Variants in SNRNP35 observed in about 807,000 individuals in gnomAD.
SNRNP35 encodes small nuclear ribonucleoprotein U11/U12 subunit 35, also known as U11/U12 small nuclear ribonucleoprotein 35 kDa protein.
Under a neutral mutation model 24.3 loss-of-function variants are expected in SNRNP35, and 16 were observed. The observed-to-expected ratio is 0.66, with a 90% CI of 0.45 to 1.00. The LOEUF is 1.00. Ranked by LOEUF, SNRNP35 falls within the 50% of genes least tolerant of loss-of-function variation. The probability of loss-of-function intolerance (pLI) is 0.00; values close to 1 mark genes in which losing one functional copy is unlikely to be tolerated. For synonymous variants in SNRNP35, 106 were observed against 124.8 expected (o/e 0.85, Z 1.00); for missense variants, 292 against 327.2 (o/e 0.89, Z 0.83).
intron 1 of SNRNP35, 76 bp downstream of exon 1, chr12:123,458,292 C>A: frequency 1.1e-6 from 1 of 939,058 alleles, no homozygotes; most frequent in Non-Finnish European, 1.3e-6. Flanking sequence ...AGACGCTGTG[C>A]CCGCGCTTGT....
At chr12:123,471,060 G>A (rs768392417), downstream of SNRNP35, 2 of 150,466 alleles carry the variant, frequency 1.3e-5, no homozygotes, top group Non-Finnish European at 3.0e-5. Flanking sequence ...TCACCTGATG[G>A]TTTCTTTCTT....
chr12:123,472,792 A>G, exon 2 of SNRNP35: 1 of 1,205,846 alleles, frequency 8.3e-7, no homozygotes, highest in Non-Finnish European at 1.2e-6. Context: ...GGAGCAAATC[A>G]ATTCAAGGTG....
chr12:123,458,411 C>T (rs1028314737), intron 1 of SNRNP35, among the ~76,000 whole-genome samples, 195 bp downstream of exon 1: 1 of 133,872 alleles, frequency 7.5e-6, no homozygotes, highest in Non-Finnish European at 1.6e-5. Context: ...CCCTGCGGCC[C>T]CCAGAGAAGG....
At position 123,465,570 on chromosome 12, in the gene SNRNP35, G is replaced by C. The variant is rs147624998; in HGVS notation, c.30G>C (p.Glu10Asp). 312 of 1,574,672 alleles carry C rather than the reference G, an allele frequency of 2.0e-4. No individual in the cohort carries two copies. Among genetic ancestry groups the C allele is most frequent in the Non-Finnish European group, 2.6e-4 (298 of 1,161,400 alleles). The change falls in exon 2 of 2, where the codon GAG becomes GAC. Residue 10 changes from glutamate (E) to aspartate (D), a missense_variant. Coordinates refer to ENST00000526639, the MANE Select transcript of SNRNP35 (RefSeq NM_022717.4). The surrounding 1 kb of genome is among the most constrained non-coding windows in gnomAD (Gnocchi z 4.2). MNDWMPIAK[E>D]YDPLKAGSID... is the part of the protein sequence containing the mutation. ...ACGATTGGATGCCCATCGCCAAGGA[G>C]TATGATCCACTCAAAGCGGGCAGCA...
Position 123,466,534 on chromosome 12 carries a change from G to C in SNRNP35, c.*253G>C. 1 of 365,088 alleles carries C rather than the reference G, an allele frequency of 2.7e-6. No homozygotes were observed. Among genetic ancestry groups the C allele is most frequent in the Non-Finnish European group, 4.9e-6 (1 of 206,092 alleles). 22.6% of individuals were successfully genotyped at this position (365,088 alleles called of 1,614,324 possible). On this transcript the variant is annotated 3_prime_UTR_variant, in exon 2 of 2. Coordinates refer to ENST00000526639, the MANE Select transcript of SNRNP35 (RefSeq NM_022717.4). Reference sequence around the variant, plus strand: ...GTAGTTACTGGCATCTGTACAGAAGGGCATTTTCTTTTCTTTTCTTTTTTT... The same window carrying C: ...GTAGTTACTGGCATCTGTACAGAAGCGCATTTTCTTTTCTTTTCTTTTTTT...
At chr12:123,459,791 A>C (rs187002924) in intron 1 of SNRNP35, 2 of 1,527,136 alleles carry the variant, frequency 1.3e-6, no homozygotes, top group Middle Eastern at 1.7e-4. Context: ...TGTCTCGAGT[A>C]AAAAAAGAGA....
At chr12:123,463,267 G>T (rs1475631079) in intron 1 of SNRNP35, among the ~76,000 whole-genome samples, 1 of 152,000 alleles carries the variant, frequency 6.6e-6, no homozygotes, top group Non-Finnish European at 1.5e-5. Flanking sequence ...TTGATATGTT[G>T]CCCAGGCTGG....
At chr12:123,470,753 TGGCTTG>T (rs1409970620), downstream of SNRNP35, 3 of 152,154 alleles carry the variant, frequency 2.0e-5, no homozygotes, top group Non-Finnish European at 4.4e-5. Context: ...CACTATACTT[TGGCTTG>T]GGCAATAGAG....
At chr12:123,463,576 C>T (rs1470316590) in intron 1 of SNRNP35, among the ~76,000 whole-genome samples, 2 of 150,342 alleles carry the variant, frequency 1.3e-5, no homozygotes, top group Non-Finnish European at 3.0e-5. Flanking sequence ...CGGGGTTTCA[C>T]CATATTGGCC....
At chr12:123,461,175 G>A (rs988546674) in intron 1 of SNRNP35, among the ~76,000 whole-genome samples, 1 of 151,134 alleles carries the variant, frequency 6.6e-6, no homozygotes, top group Non-Finnish European at 1.5e-5. Context: ...GAGTGCAATG[G>A]CGGGATCTCA....
chr12:123,467,096 C>T (rs1458620984), downstream of SNRNP35, among the ~76,000 whole-genome samples: 2 of 152,156 alleles, frequency 1.3e-5, no homozygotes, highest in Non-Finnish European at 2.9e-5. Context: ...CTAATCTGGT[C>T]AGAATAAATT....
At chr12:123,467,646 C>A (rs1453850695), downstream of SNRNP35, among the ~76,000 whole-genome samples, 1 of 152,170 alleles carries the variant, frequency 6.6e-6, no homozygotes, top group East Asian at 1.9e-4. Context: ...ATGTTTCATG[C>A]AAAATAAATG....
intron 1 of SNRNP35, among the ~76,000 whole-genome samples, chr12:123,463,522 C>T (rs2139286030): frequency 6.6e-6 from 1 of 151,262 alleles, no homozygotes; most frequent in East Asian, 2.0e-4. Context: ...CGACTACAGG[C>T]GTGTGCAACT....
intron 1 of SNRNP35, chr12:123,459,877 T>A: frequency 6.3e-7 from 1 of 1,597,528 alleles, no homozygotes; most frequent in Non-Finnish European, 8.5e-7. Flanking sequence ...CTAGAAAGAT[T>A]AATGAGAAAC....
chr12:123,472,907 A>G, exon 2 of SNRNP35: 1 of 524,274 alleles, frequency 1.9e-6, no homozygotes, highest in African/African-American at 1.9e-5. Context: ...CGGTATGGGC[A>G]AGGCATGCAT....
chr12:123,465,004 T>C lies in SNRNP35; in HGVS notation c.-3-534T>C, dbSNP rs1007817507. On this transcript the variant is annotated intron_variant, in intron 1 of 1. Coordinates refer to ENST00000526639, the MANE Select transcript of SNRNP35 (RefSeq NM_022717.4). This position sits in a 1 kb window ranked among gnomAD's most constrained non-coding sequence, Gnocchi z 4.2. ...GTTTCAGAATTATCTGGGGGCAGAT[T>C]ATTCTGGCCACATGTGCATGGTGGT... 6.6e-6 allele frequency: 1 copy of C among 152,280 alleles called. No individual in the cohort carries two copies. The allele number at this position is 152,280 out of a possible 1,614,324, so 9.4% of individuals were successfully genotyped here.
At chr12:123,472,578 C>A in exon 2 of SNRNP35, 1 of 1,555,452 alleles carries the variant, frequency 6.4e-7, no homozygotes, top group Non-Finnish European at 8.7e-7. Flanking sequence ...CTCTGTGTAA[C>A]CGTCATCGCG....
At chr12:123,469,112 A>G (rs537653659), downstream of SNRNP35, among the ~76,000 whole-genome samples, 16 of 151,934 alleles carry the variant, frequency 1.1e-4, no homozygotes, top group African/African-American at 3.1e-4. Context: ...AGACTGCCAA[A>G]TGTCCCCTGG....
At chr12:123,459,851 C>CG in intron 1 of SNRNP35, 1 of 1,591,632 alleles carries the variant, frequency 6.3e-7, no homozygotes, top group Non-Finnish European at 8.6e-7. Context: ...CTAATGCTGC[C>CG]GGGGAGGAAG....
Sources: allele counts gnomAD v4.1 joint callset (sites outside exome capture counted in the v4.1 genomes callset), GRCh38; gene constraint gnomAD v4.1.1; non-coding constraint Gnocchi (gnomAD v3.1); transcripts MANE v1.5; gene names NCBI Gene and HGNC (gene_info 2026-07-23, HGNC 2026-07-21).